The following JARID2 variants were observed in gnomAD, a reference collection of about 807,000 sequenced individuals.
JARID2 encodes jumonji and AT-rich interaction domain containing 2.
A neutral mutation model predicts 125.6 loss-of-function variants in JARID2; 21 were observed. The observed-to-expected ratio is 0.17, with a 90% CI of 0.12 to 0.24. The LOEUF (loss-of-function observed/expected upper bound fraction) is 0.24, where lower values mean the gene tolerates loss of function less well. Among genes scored for constraint, JARID2 ranks in the 10% least tolerant of loss-of-function variants. JARID2 has a pLI of 1.00. For missense variants in JARID2, 1,303 were observed against 1,639.6 expected, an observed-to-expected ratio of 0.79 and a Z score of 3.55; for synonymous variants, 736 against 661.6, an observed-to-expected ratio of 1.11 and a Z score of -1.73.
intron 1 of JARID2, among the ~76,000 whole-genome samples, chr6:15,364,748 C>T (rs567383115): frequency 4.0e-4 from 61 of 152,328 alleles, no homozygotes; most frequent in African/African-American, 1.5e-3. Flanking sequence ...AATTGAAACC[C>T]TATCCAATTT....
At chr6:15,465,315 T>C (rs1356523537) in intron 4 of JARID2, among the ~76,000 whole-genome samples, 1 of 152,098 alleles carries the variant, frequency 6.6e-6, no homozygotes, top group Admixed American at 6.6e-5. Context: ...TATCTGGGTT[T>C]GGTGGTGTGC....
chr6:15,509,052 A>G (rs1427030350), intron 12 of JARID2: 1 of 1,288,722 alleles, frequency 7.8e-7, no homozygotes, highest in Non-Finnish European at 1.0e-6. Context: ...ATGTGGAGAC[A>G]CGCGCGTTAT....
intron 2 of JARID2, among the ~76,000 whole-genome samples, chr6:15,394,353 C>T (rs1765137012): frequency 6.6e-6 from 1 of 152,148 alleles, no homozygotes; most frequent in African/African-American, 2.4e-5. Context: ...GGCTCATGCT[C>T]ATAATCCCAG....
At chr6:15,494,411 G>GTTTTTTTTTTTTTT (rs1169733078) in intron 6 of JARID2, among the ~76,000 whole-genome samples, 2 of 32,356 alleles carry the variant, frequency 6.2e-5, no homozygotes, top group Non-Finnish European at 1.2e-4. Context: ...TTTTTGGCAA[G>GTTTTTTTTTTTTTT]TCTTTTTTTT....
chr6:15,435,336 T>C (rs1389399884), intron 3 of JARID2, among the ~76,000 whole-genome samples: 4 of 152,246 alleles, frequency 2.6e-5, no homozygotes, highest in Non-Finnish European at 1.5e-5. Context: ...AGATGATTTT[T>C]ATATTCCAAA....
chr6:15,303,908 C>A (rs1296010394), intron 1 of JARID2, among the ~76,000 whole-genome samples: 1 of 152,132 alleles, frequency 6.6e-6, no homozygotes, highest in Non-Finnish European at 1.5e-5. Flanking sequence ...CAGCATTAAA[C>A]CCAGGGCATA....
intron 1 of JARID2, among the ~76,000 whole-genome samples, chr6:15,275,542 C>CA (rs1561762772): frequency 1.9e-5 from 2 of 107,326 alleles, no homozygotes; most frequent in Admixed American, 9.3e-5. Flanking sequence ...CGCCCCCCCC[C>CA]CCGTCTTTTG....
At chr6:15,507,065 G>A in intron 9 of JARID2, 71 bp from the exon 10 acceptor site, 1 of 942,530 alleles carries the variant, frequency 1.1e-6, no homozygotes. Flanking sequence ...TCCCAGTTTT[G>A]TTGGGTTGAA....
chr6:15,275,367 A>G (rs566878545), intron 1 of JARID2, among the ~76,000 whole-genome samples: 3 of 152,204 alleles, frequency 2.0e-5, no homozygotes, highest in East Asian at 1.9e-4. Context: ...AAAATTTCCT[A>G]CATACACAGC....
intron 2 of JARID2, among the ~76,000 whole-genome samples, chr6:15,377,390 C>T (rs1392032683): frequency 1.3e-5 from 2 of 152,148 alleles, no homozygotes; most frequent in Admixed American, 1.3e-4. Context: ...GGGTCCCTCC[C>T]ACAACATGTG....
chr6:15,491,624 G>A (rs929691810), intron 6 of JARID2, among the ~76,000 whole-genome samples: 4 of 152,224 alleles, frequency 2.6e-5, no homozygotes, highest in East Asian at 3.8e-4. Flanking sequence ...TGAGGACAGC[G>A]TCATAATCTT....
chr6:15,423,613 T>G (rs1269073223), intron 3 of JARID2, among the ~76,000 whole-genome samples: 1 of 152,186 alleles, frequency 6.6e-6, no homozygotes, highest in Non-Finnish European at 1.5e-5. Flanking sequence ...GCAGGTTCCA[T>G]TTCAAATTGT....
intron 1 of JARID2, among the ~76,000 whole-genome samples, chr6:15,316,024 A>T (rs1224679967): frequency 1.3e-5 from 2 of 150,578 alleles, no homozygotes; most frequent in African/African-American, 4.9e-5. Flanking sequence ...TTTTTTTTTC[A>T]TCCCGTGAAT....
At position 15,320,663 on chromosome 6, in the gene JARID2, C is replaced by A. The variant is rs77237690; in HGVS notation, c.46-53454C>A. ...GTTTCCTTCTTATCTAATCAGGGAT[C>A]CTTCTTTAGTAGCTAGATTAGATGT... On this transcript the variant is annotated intron_variant, in intron 1 of 17. Transcript: ENST00000341776. Among the ~76,000 whole-genome samples the A allele has an allele frequency of 2.3e-3, 348 of 152,162 alleles. 12 individuals carry two copies. The East Asian group carries it at 0.063, about 27-fold the overall frequency.
intron 4 of JARID2, among the ~76,000 whole-genome samples, chr6:15,464,760 G>A (rs1768629606): frequency 1.3e-5 from 2 of 151,980 alleles, no homozygotes; most frequent in South Asian, 4.2e-4. Flanking sequence ...TCTGATTTAC[G>A]AATCCTTCAT....
intron 2 of JARID2, among the ~76,000 whole-genome samples, chr6:15,375,953 T>G (rs1344884428): frequency 6.6e-6 from 1 of 152,228 alleles, no homozygotes; most frequent in African/African-American, 2.4e-5. Flanking sequence ...TAGCCAGATG[T>G]TCAGGATTTA....
chr6:15,316,490 T>A (rs1197421335), intron 1 of JARID2, among the ~76,000 whole-genome samples: 1 of 152,190 alleles, frequency 6.6e-6, no homozygotes, highest in African/African-American at 2.4e-5. Context: ...CTGAGGACAG[T>A]AGTCCTTATG....
At chr6:15,385,432 C>T (rs1480888896) in intron 2 of JARID2, among the ~76,000 whole-genome samples, 1 of 151,982 alleles carries the variant, frequency 6.6e-6, no homozygotes, top group East Asian at 1.9e-4. Flanking sequence ...CATTGTAGTA[C>T]TGTGAGGGAG....
intron 2 of JARID2, among the ~76,000 whole-genome samples, chr6:15,397,487 A>G (rs1561836042): frequency 6.6e-6 from 1 of 152,100 alleles, no homozygotes; most frequent in Non-Finnish European, 1.5e-5. Flanking sequence ...CAAGGCACCA[A>G]CTGGGGTTGG....
Sources: allele counts gnomAD v4.1 joint callset (sites outside exome capture counted in the v4.1 genomes callset), GRCh38; gene constraint gnomAD v4.1.1; transcripts MANE v1.5; gene names NCBI Gene and HGNC (gene_info 2026-07-23, HGNC 2026-07-21).